PIK3R3: variants seen among roughly 807,000 people sequenced by gnomAD.
The protein encoded by PIK3R3 is phosphoinositide-3-kinase regulatory subunit 3, also known as phosphatidylinositol 3-kinase regulatory subunit gamma.
PIK3R3 carries 64 observed loss-of-function variants against 62.9 expected under a neutral mutation model. That is an observed-to-expected ratio of 1.02 (90% CI 0.83 to 1.25). The LOEUF is 1.25. Ranked by LOEUF, PIK3R3 falls within the 50% of genes most tolerant of loss-of-function variation. PIK3R3 has a pLI of 0.00. For missense variants in PIK3R3, 614 were observed against 561.6 expected, an observed-to-expected ratio of 1.09 and a Z score of -0.94; for synonymous variants, 165 against 189.0, an observed-to-expected ratio of 0.87 and a Z score of 1.04.
chr1:46,072,745 C>A (rs1045798875), intron 3 of PIK3R3, among the ~76,000 whole-genome samples: 1 of 152,088 alleles, frequency 6.6e-6, no homozygotes, highest in East Asian at 1.9e-4. Flanking sequence ...AGACCCTTAG[C>A]GTGAGACCAG....
intron 1 of PIK3R3, among the ~76,000 whole-genome samples, chr1:46,081,624 T>C (rs1251764663): frequency 6.6e-6 from 1 of 152,072 alleles, no homozygotes; most frequent in East Asian, 1.9e-4. Context: ...ATGAAACTGG[T>C]CCCTGGTGCC....
the PIK3R3 span, among the ~76,000 whole-genome samples, chr1:46,161,588 A>G: frequency 6.6e-6 from 1 of 152,180 alleles, no homozygotes; most frequent in Non-Finnish European, 1.5e-5. Context: ...AAATAATCCA[A>G]GCCAGGCATG....
At chr1:46,102,206 C>T (rs1051957325) in intron 1 of PIK3R3, among the ~76,000 whole-genome samples, 1 of 151,808 alleles carries the variant, frequency 6.6e-6, no homozygotes, top group Non-Finnish European at 1.5e-5. Flanking sequence ...AGGATGGTCT[C>T]GATCTCCTGA....
chr1:46,100,740 G>A (rs1652582629), intron 1 of PIK3R3, among the ~76,000 whole-genome samples: 1 of 152,086 alleles, frequency 6.6e-6, no homozygotes, highest in African/African-American at 2.4e-5. Flanking sequence ...AGTTAATATG[G>A]TATCCCAATT....
chr1:46,075,621 TAAAAAA>T (rs35844006), intron 3 of PIK3R3, among the ~76,000 whole-genome samples: 1 of 146,214 alleles, frequency 6.8e-6, no homozygotes, highest in African/African-American at 2.5e-5. Flanking sequence ...TAACCTGTGT[TAAAAAA>T]AAAAAAAATT....
chr1:46,139,781 C>T, the PIK3R3 span, among the ~76,000 whole-genome samples: 5 of 152,306 alleles, frequency 3.3e-5, no homozygotes, highest in Middle Eastern at 6.8e-3. Flanking sequence ...TCTGTTCTTG[C>T]AGCATTGACT....
chr1:46,110,379 C>T (rs1653632511), intron 1 of PIK3R3, among the ~76,000 whole-genome samples: 1 of 151,636 alleles, frequency 6.6e-6, no homozygotes. Flanking sequence ...ACCTTTGCCT[C>T]CCAAAGTGCC....
chr1:46,062,467 C>T (rs184757042), intron 5 of PIK3R3, among the ~76,000 whole-genome samples: 12 of 152,078 alleles, frequency 7.9e-5, no homozygotes, highest in Admixed American at 6.6e-4. Context: ...CCCAGCTACT[C>T]AGGAGGCCGA....
intron 6 of PIK3R3, 95 bp downstream of exon 6, chr1:46,061,834 A>C: frequency 8.9e-7 from 1 of 1,127,094 alleles, no homozygotes; most frequent in Admixed American, 1.9e-5. Flanking sequence ...AGGGCTGTGC[A>C]GTTTGAGGGG....
intron 1 of PIK3R3, among the ~76,000 whole-genome samples, chr1:46,125,263 A>T (rs1347492246): frequency 6.6e-6 from 1 of 152,182 alleles, no homozygotes; most frequent in Non-Finnish European, 1.5e-5. Flanking sequence ...AGCAATGACT[A>T]ATCTTTTTCA....
At chr1:46,081,629 G>A (rs1650602463) in intron 1 of PIK3R3, among the ~76,000 whole-genome samples, 1 of 152,140 alleles carries the variant, frequency 6.6e-6, no homozygotes. Flanking sequence ...ACTGGTCCCT[G>A]GTGCCAGAAA....
chr1:46,142,709 AAAAAG>A, the PIK3R3 span, among the ~76,000 whole-genome samples: 2 of 152,106 alleles, frequency 1.3e-5, no homozygotes, highest in African/African-American at 4.8e-5. Context: ...AAATAAAAAA[AAAAAG>A]AAAAGAAAAA....
At chr1:46,069,467 C>T (rs894801527) in intron 3 of PIK3R3, among the ~76,000 whole-genome samples, 3 of 150,436 alleles carry the variant, frequency 2.0e-5, no homozygotes, top group Non-Finnish European at 4.4e-5. Flanking sequence ...TGCAGTGAGC[C>T]GAGATCACGC....
intron 1 of PIK3R3, among the ~76,000 whole-genome samples, chr1:46,128,765 G>GA (rs1308610797): frequency 1.3e-5 from 2 of 152,190 alleles, no homozygotes; most frequent in Admixed American, 6.5e-5. Context: ...AGACAGAATG[G>GA]AAAAAATTTC....
the PIK3R3 span, among the ~76,000 whole-genome samples, chr1:46,170,032 G>T: frequency 2.6e-5 from 4 of 152,228 alleles, no homozygotes; most frequent in East Asian, 7.7e-4. Flanking sequence ...CCACCACATG[G>T]AGTGGCTTCG....
At chr1:46,136,654 ATGTT>A (rs1180002624), upstream of PIK3R3, among the ~76,000 whole-genome samples, 4 of 152,118 alleles carry the variant, frequency 2.6e-5, no homozygotes, top group African/African-American at 9.7e-5. Flanking sequence ...TTAGGGGACA[ATGTT>A]TGAGGCCTCA....
the PIK3R3 span, among the ~76,000 whole-genome samples, chr1:46,169,903 T>A: frequency 1.3e-5 from 2 of 152,268 alleles, no homozygotes; most frequent in South Asian, 2.1e-4. Flanking sequence ...AGGGTCCCCA[T>A]ACAAATTTTG....
chr1:46,105,805 A>G (rs1384544826), intron 1 of PIK3R3, among the ~76,000 whole-genome samples: 1 of 152,130 alleles, frequency 6.6e-6, no homozygotes, highest in Non-Finnish European at 1.5e-5. Context: ...AGATTGCGCC[A>G]CTTCACTCCA....
chr1:46,102,178 G>C (rs1387889745), intron 1 of PIK3R3, among the ~76,000 whole-genome samples: 1 of 151,482 alleles, frequency 6.6e-6, no homozygotes, highest in African/African-American at 2.4e-5. Flanking sequence ...GTAGAGACGG[G>C]GTTTCACCGT....
Sources: allele counts gnomAD v4.1 joint callset (sites outside exome capture counted in the v4.1 genomes callset), GRCh38; gene constraint gnomAD v4.1.1; transcripts MANE v1.5; gene names NCBI Gene and HGNC (gene_info 2026-07-23, HGNC 2026-07-21).